The following CC2D1A variants were observed in gnomAD, a reference collection of about 807,000 sequenced individuals.
CC2D1A encodes the protein coiled-coil and C2 domain containing 1A, also known as coiled-coil and C2 domain-containing protein 1A.
Under a neutral mutation model 123.8 loss-of-function variants are expected in CC2D1A, and 68 were observed. The ratio of observed to expected loss-of-function variants is 0.55; its 90% confidence interval spans 0.45 to 0.67. The LOEUF (loss-of-function observed/expected upper bound fraction) is 0.67. CC2D1A is among the 30% of genes least tolerant of loss of function. The pLI, the probability that CC2D1A is intolerant of heterozygous loss-of-function variation, is 0.00. For synonymous variants in CC2D1A, 477 were observed against 528.0 expected (o/e 0.90, Z 1.32); for missense variants, 1,185 against 1,290.3 (o/e 0.92, Z 1.25).
At chr19:13,913,377 C>A in intron 5 of CC2D1A, 27 bp from the exon 6 acceptor site, 1 of 1,610,462 alleles carries the variant, frequency 6.2e-7, no homozygotes, top group South Asian at 1.1e-5. Context: ...TGGCTTCTCC[C>A]AAACCAATAC....
chr19:13,920,163 A>G, intron 12 of CC2D1A: 1 of 532,786 alleles, frequency 1.9e-6, no homozygotes, highest in Non-Finnish European at 3.3e-6. Context: ...AGGTGGGAGG[A>G]TCACCTGAAC....
At position 13,909,609 on chromosome 19, in the gene CC2D1A, T is replaced by C. The variant is rs2145295083; in HGVS notation, c.61-214T>C. ...GATTCAGATCAGAGAGCTGGGTCTC[T>C]TGCCCTTTGCCCCAGGTTGAACTGT... On this transcript the variant is annotated intron_variant, in intron 1 of 28. Transcript: ENST00000318003. 4.5e-6 allele frequency: 3 copies of C among 660,644 alleles called. No individual in the cohort carries two copies. The East Asian group carries it at 8.9e-5, about 20-fold the overall frequency. 40.9% of individuals were successfully genotyped at this position (660,644 alleles called of 1,614,324 possible).
At chr19:13,929,803 G>A in intron 26 of CC2D1A, 143 bp downstream of exon 26, 3 of 173,842 alleles carry the variant, frequency 1.7e-5, no homozygotes, top group Non-Finnish European at 3.1e-5. Context: ...ATGGGCACCT[G>A]GAGGGGGAGG....
intron 2 of CC2D1A, among the ~76,000 whole-genome samples, chr19:13,910,363 G>A (rs1297714622): frequency 2.1e-5 from 3 of 140,022 alleles, no homozygotes; most frequent in Admixed American, 1.6e-4. Context: ...AGCCGAGATC[G>A]CACCACTGCG....
chr19:13,907,925 T>A (rs1440381918), intron 1 of CC2D1A, among the ~76,000 whole-genome samples: 1 of 152,210 alleles, frequency 6.6e-6, no homozygotes, highest in Non-Finnish European at 1.5e-5. Flanking sequence ...AACACGATGT[T>A]ATCACATCAT....
At position 13,927,370 on chromosome 19, in the gene CC2D1A, C is replaced by A. The variant is rs182720322; in HGVS notation, c.2316+105C>A. The A allele has an allele frequency of 5.7e-5, 52 of 912,654 alleles. No homozygotes were observed. The African/African-American group carries it at 8.1e-4, about 14-fold the overall frequency. 56.5% of individuals were successfully genotyped at this position (912,654 alleles called of 1,614,324 possible). On this transcript the variant is annotated intron_variant, in intron 22 of 28. Transcript: ENST00000318003. ...GCCCTCTATGAGCCTGTCTGTTGACCCAGCCCCTCCCCTCAGAGCCTCAGA... is the reference window on the plus strand; with the variant it reads ...GCCCTCTATGAGCCTGTCTGTTGACACAGCCCCTCCCCTCAGAGCCTCAGA...
chr19:13,918,280 C>T, intron 7 of CC2D1A, 86 bp downstream of exon 7: 1 of 1,423,018 alleles, frequency 7.0e-7, no homozygotes, highest in South Asian at 1.5e-5. Flanking sequence ...AAATTTGCAT[C>T]CTAGCTTGGT....
At position 13,927,274 on chromosome 19, in the gene CC2D1A, T is replaced by G. The variant is rs1356308238; in HGVS notation, c.2316+9T>G. 6.2e-7 allele frequency: 1 copy of G among 1,608,808 alleles called. No homozygotes were observed. The highest frequency in any genetic ancestry group is 1.7e-5 in the Admixed American group (1 of 59,972). On this transcript the variant is annotated intron_variant, in intron 22 of 28. Coordinates refer to ENST00000318003, the MANE Select transcript of CC2D1A (RefSeq NM_017721.5). The stretch of plus-strand genomic sequence containing the variant: ...TCCGGGAGATCCTTGAGGTGAGAGG[T>G]GGACATTCATCCGCGTGCTCCGGTA...
chr19:13,918,916 GC>G lies in CC2D1A; in HGVS notation c.1028del (p.Pro343HisfsTer91). The G allele has an allele frequency of 1.2e-6, 2 of 1,609,428 alleles. No individual in the cohort carries two copies. The highest frequency in any genetic ancestry group is 1.7e-6 in the Non-Finnish European group (2 of 1,177,238). On this transcript the variant is annotated frameshift_variant, in exon 10 of 29. Transcript: ENST00000318003. LOFTEE classifies it high-confidence loss of function. Reference sequence around the variant, plus strand: ...TTGTCCCCCTGTCCGGCCCAGAGGTGCCCCCACCCCCGAGGACCCTGCTGGA... The same window carrying G: ...TTGTCCCCCTGTCCGGCCCAGAGGTGCCCCACCCCCGAGGACCCTGCTGGA... ...PATAPSTTEV[P>X]PPPRTLLEAL...
In CC2D1A at chr19:13,918,762, C is replaced by G. The variant is rs758574171; in HGVS notation, c.963C>G (p.Asp321Glu). The G allele has an allele frequency of 2.5e-6, 4 of 1,612,678 alleles. No homozygotes were observed. The East Asian group carries it at 8.9e-5, about 36-fold the overall frequency. Residue 321 changes from aspartate (D) to glutamate (E), a missense_variant, in exon 9 of 29, where the codon GAC becomes GAG. Physicochemically the swap from Asp to Glu is conservative, Grantham distance 45. Coordinates refer to ENST00000318003, the MANE Select transcript of CC2D1A (RefSeq NM_017721.5). ...LPPPPDQLPPDPPSPPSQPPT... is the reference protein window; with the variant it reads ...LPPPPDQLPPEPPSPPSQPPT... ...TGTCCCCAGACCAGCTGCCCCCAGA[C>G]CCACCGTCACCACCGTCGCAGCCTC... is the stretch of plus-strand genomic sequence containing the variant.
At position 13,918,152 on chromosome 19, in the gene CC2D1A, G is replaced by A. The variant is rs1415967707; in HGVS notation, c.831G>A (p.Gln277=). 2 of 1,609,032 alleles carry A rather than the reference G, an allele frequency of 1.2e-6. No homozygotes were observed. The highest frequency in any genetic ancestry group is 1.3e-5 in the African/African-American group (1 of 74,866). ...YKLAALHAKQ[Q]GDTTAAARHF... ...TGGCTGCCCTCCACGCCAAGCAGCA[G>A]GGAGATACCACTGCTGCCGCTAGAC... Residue 277 remains glutamine (Q), a synonymous_variant, in exon 7 of 29, where the codon CAG becomes CAA. Transcript: ENST00000318003.
chr19:13,928,616 T>C (rs1971740978), intron 24 of CC2D1A, among the ~76,000 whole-genome samples: 1 of 151,736 alleles, frequency 6.6e-6, no homozygotes, highest in Non-Finnish European at 1.5e-5. Flanking sequence ...TTCCTGGGTG[T>C]GCAGCCATCA....
chr19:13,926,015 C>G, intron 17 of CC2D1A, among the ~76,000 whole-genome samples: 1 of 83,978 alleles, frequency 1.2e-5, no homozygotes, highest in Non-Finnish European at 2.1e-5. Flanking sequence ...TATATATATA[C>G]GTATATATAT....
At chr19:13,918,856 A>G in intron 9 of CC2D1A, 39 bp downstream of exon 9, 4 of 1,610,432 alleles carry the variant, frequency 2.5e-6, no homozygotes, top group Non-Finnish European at 3.4e-6. Context: ...GGCAGGCTGG[A>G]GCCAGACTGT....
rs369325449 is a variant in CC2D1A, at chr19:13,927,213, A to T, written c.2264A>T (p.Gln755Leu). ...ACTGACCGGGTGCTGGGGACAGCCC[A>T]GCTGAAGCTGGATGCACTGGAGATA... ...FKTDRVLGTA[Q>L]LKLDALEIAC... Residue 755 changes from glutamine to leucine, a missense_variant, in exon 22 of 29, where the codon CAG (glutamine) becomes CTG (leucine). Gln to Leu is a moderately radical substitution (Grantham distance 113). Transcript: ENST00000318003. 15 of 1,614,016 alleles carry T rather than the reference A, an allele frequency of 9.3e-6. No individual in the cohort carries two copies. The African/African-American group carries it at 1.3e-4, about 14-fold the overall frequency.
In CC2D1A at chr19:13,913,187, A is replaced by T; in HGVS notation, c.398A>T (p.His133Leu). The T allele has an allele frequency of 6.2e-7, 1 of 1,612,164 alleles. No homozygotes were observed. Among genetic ancestry groups the T allele is most frequent in the Non-Finnish European group, 8.5e-7 (1 of 1,179,278 alleles). ...PVAQPKPEAP[H>L]PGLETTLQER... ...CCACAGCCGAAGCCTGAGGCCCCTC[A>T]TCCGGGGCTGGAGACCACCTTGCAG... The change falls in exon 5 of 29, where the codon CAT becomes CTT. Residue 133 changes from histidine (H) to leucine (L), a missense_variant. Coordinates refer to ENST00000318003, the MANE Select transcript of CC2D1A (RefSeq NM_017721.5).
chr19:13,908,997 C>T (rs1970894294), intron 1 of CC2D1A, among the ~76,000 whole-genome samples: 1 of 151,686 alleles, frequency 6.6e-6, no homozygotes, highest in South Asian at 2.1e-4. Context: ...ACAGTCATGG[C>T]TCACTGCAGC....
Position 13,910,942 on chromosome 19 carries a change from G to A in CC2D1A, c.196+984G>A, listed in dbSNP as rs959249719. Among the ~76,000 whole-genome samples the A allele has an allele frequency of 4.7e-5, 7 of 149,780 alleles. No homozygotes were observed. In the South Asian group the frequency reaches 1.5e-3, roughly 32 times the overall value. Reference sequence around the variant, plus strand: ...ACAAAAAAGAGAGAAGCTTCATTCAGGCATGAACTACTGTGCTGTTGGCTG... The same window carrying A: ...ACAAAAAAGAGAGAAGCTTCATTCAAGCATGAACTACTGTGCTGTTGGCTG... On this transcript the variant is annotated intron_variant, in intron 2 of 28. Transcript: ENST00000318003.
At chr19:13,926,030 A>ATATATATACATATATGTGTG (rs1971615783) in intron 17 of CC2D1A, among the ~76,000 whole-genome samples, 1 of 87,688 alleles carries the variant, frequency 1.1e-5, no homozygotes, top group African/African-American at 7.4e-5. Context: ...ATATATGTGT[A>ATATATATACATATATGTGTG]TATATATATA....
Sources: gnomAD v4.1 joint callset for allele counts (sites outside exome capture counted in the v4.1 genomes callset) on GRCh38, gnomAD v4.1.1 for gene constraint, MANE v1.5 for transcripts, NCBI Gene and HGNC (gene_info 2026-07-23, HGNC 2026-07-21) for gene names.